SEMA3D: variants seen among roughly 807,000 people sequenced by gnomAD.
SEMA3D encodes the protein semaphorin-3D.
A neutral mutation model predicts 100.1 loss-of-function variants in SEMA3D; 84 were observed. The observed-to-expected ratio is 0.84, with a 90% CI of 0.70 to 1.01. The LOEUF (loss-of-function observed/expected upper bound fraction) is 1.01, where lower values mean the gene tolerates loss of function less well. SEMA3D is among the 50% of genes least tolerant of loss of function. SEMA3D has a pLI of 0.00. For synonymous variants in SEMA3D, 312 were observed against 320.7 expected, an observed-to-expected ratio of 0.97 and a Z score of 0.29; for missense variants, 875 against 934.1, an observed-to-expected ratio of 0.94 and a Z score of 0.82.
intron 12 of SEMA3D, among the ~76,000 whole-genome samples, chr7:85,031,241 A>C (rs971970751): frequency 6.6e-6 from 1 of 152,014 alleles, no homozygotes; most frequent in Admixed American, 6.6e-5. Context: ...AAGTCTCACC[A>C]CTGGGAGAAC....
chr7:85,042,405 C>A, intron 9 of SEMA3D, 120 bp from the exon 10 acceptor site: 1 of 702,146 alleles, frequency 1.4e-6, no homozygotes, highest in South Asian at 1.8e-5. Context: ...ACACTGAACC[C>A]AGATATTGAG....
At chr7:85,145,740 C>T (rs149432873) in intron 2 of SEMA3D, among the ~76,000 whole-genome samples, 2,092 of 152,204 alleles carry the variant, frequency 0.014, 51 homozygotes, top group African/African-American at 0.047. Flanking sequence ...ATTAAAAACA[C>T]ACTGTCATCC....
chr7:85,140,902 A>T (rs1416319974), intron 2 of SEMA3D: 1 of 640,412 alleles, frequency 1.6e-6, no homozygotes, highest in Non-Finnish European at 1.9e-6. Context: ...CTTCCTATCA[A>T]CACCTCAGTT....
At chr7:85,042,110 T>C in intron 10 of SEMA3D, 61 bp downstream of exon 10, 1 of 1,142,668 alleles carries the variant, frequency 8.8e-7, no homozygotes, top group East Asian at 2.3e-5. Flanking sequence ...GGGAAATAAA[T>C]GCCAAGTTAC....
chr7:85,167,204 A>T, intron 1 of SEMA3D: 1 of 862,718 alleles, frequency 1.2e-6, no homozygotes. Flanking sequence ...AAATGTCAAG[A>T]GTTGAAATGT....
chr7:85,212,764 G>A, the SEMA3D span, among the ~76,000 whole-genome samples: 1 of 151,836 alleles, frequency 6.6e-6, no homozygotes, highest in East Asian at 1.9e-4. Context: ...ATTTATATTA[G>A]TGTCTTCAAA....
intron 2 of SEMA3D, among the ~76,000 whole-genome samples, chr7:85,149,104 T>A (rs1790293172): frequency 6.6e-6 from 1 of 152,058 alleles, no homozygotes; most frequent in African/African-American, 2.4e-5. Context: ...TGTCAAAATT[T>A]AAAATGTCTT....
At chr7:85,195,781 A>C in the SEMA3D span, among the ~76,000 whole-genome samples, 1 of 152,214 alleles carries the variant, frequency 6.6e-6, no homozygotes, top group South Asian at 2.1e-4. Context: ...TACAAAGTTG[A>C]AAACAAACAA....
At chr7:85,201,321 A>G in the SEMA3D span, among the ~76,000 whole-genome samples, 2 of 152,098 alleles carry the variant, frequency 1.3e-5, no homozygotes, top group African/African-American at 2.4e-5. Flanking sequence ...AAGCCCCTTC[A>G]TTACAATTCC....
intron 16 of SEMA3D, 21 bp from the exon 17 acceptor site, chr7:85,012,867 T>TA: frequency 6.3e-7 from 1 of 1,592,278 alleles, no homozygotes; most frequent in South Asian, 1.1e-5. Context: ...GGGATTAAAC[T>TA]TATTAGAACT....
intron 3 of SEMA3D, among the ~76,000 whole-genome samples, chr7:85,119,223 T>C (rs960613942): frequency 6.6e-6 from 1 of 152,184 alleles, no homozygotes; most frequent in Non-Finnish European, 1.5e-5. Flanking sequence ...CTCAAAGATC[T>C]AAAGACAGAA....
At chr7:85,036,542 G>A (rs1477166370) in intron 12 of SEMA3D, among the ~76,000 whole-genome samples, 1 of 152,122 alleles carries the variant, frequency 6.6e-6, no homozygotes, top group Non-Finnish European at 1.5e-5. Context: ...CTGCAGAGCT[G>A]TATGTGAGAA....
chr7:85,086,712 C>CA (rs1788227797), intron 4 of SEMA3D, among the ~76,000 whole-genome samples: 1 of 151,384 alleles, frequency 6.6e-6, no homozygotes, highest in Non-Finnish European at 1.5e-5. Context: ...AAGACAGAGA[C>CA]ACACGCAGTT....
chr7:85,208,943 T>C, the SEMA3D span, among the ~76,000 whole-genome samples: 1 of 152,112 alleles, frequency 6.6e-6, no homozygotes, highest in South Asian at 2.1e-4. Flanking sequence ...AAGATAAGTA[T>C]AAGGCCTGTG....
chr7:85,137,241 G>A (rs1040698178), intron 2 of SEMA3D, among the ~76,000 whole-genome samples: 9 of 151,598 alleles, frequency 5.9e-5, no homozygotes, highest in East Asian at 3.9e-4. Context: ...TGGTATATAT[G>A]ATATACATAA....
chr7:85,057,871 T>TA (rs1791365719), intron 8 of SEMA3D, among the ~76,000 whole-genome samples: 1 of 150,908 alleles, frequency 6.6e-6, no homozygotes, highest in Non-Finnish European at 1.5e-5. Context: ...GCAGAGGTTG[T>TA]AGAGAGCCGA....
chr7:85,203,830 A>G, the SEMA3D span, among the ~76,000 whole-genome samples: 1 of 152,016 alleles, frequency 6.6e-6, no homozygotes, highest in Non-Finnish European at 1.5e-5. Flanking sequence ...AAAAACAAAA[A>G]CTTTGAACCT....
the SEMA3D span, among the ~76,000 whole-genome samples, chr7:85,227,167 C>G: frequency 2.6e-5 from 4 of 152,044 alleles, no homozygotes; most frequent in Non-Finnish European, 5.9e-5. Flanking sequence ...TCAATGTACT[C>G]TCTATGAAAT....
chr7:85,011,690 A>G (rs926877690), intron 17 of SEMA3D, among the ~76,000 whole-genome samples: 3 of 151,788 alleles, frequency 2.0e-5, no homozygotes, highest in Admixed American at 2.0e-4. Flanking sequence ...CACAGTAATG[A>G]TTGCTAACTA....
Sources: allele counts gnomAD v4.1 joint callset (sites outside exome capture counted in the v4.1 genomes callset), GRCh38; gene constraint gnomAD v4.1.1; transcripts MANE v1.5; gene names NCBI Gene and HGNC (gene_info 2026-07-23, HGNC 2026-07-21).